The following ABLIM2 variants were observed in gnomAD, a reference collection of about 807,000 sequenced individuals.
The protein encoded by ABLIM2 is actin-binding LIM protein 2.
In ABLIM2, 53 loss-of-function variants were observed where a neutral mutation model predicts 97.7. The ratio of observed to expected loss-of-function variants is 0.54; its 90% CI spans 0.44 to 0.68. The LOEUF is 0.68. Ranked by LOEUF, ABLIM2 falls within the 30% of genes least tolerant of loss-of-function variation. ABLIM2 has a pLI of 0.00. For missense variants in ABLIM2, 835 were observed against 867.2 expected, an observed-to-expected ratio of 0.96 and a Z score of 0.47; for synonymous variants, 361 against 345.8, an observed-to-expected ratio of 1.04 and a Z score of -0.49.
rs1180205007 is a variant in ABLIM2, at chr4:7,970,459, C to T, written c.1825-3356G>A. On this transcript the variant is annotated intron_variant, in intron 20 of 20. Transcript: ENST00000447017. The surrounding 1 kb of genome is among the most constrained non-coding windows in gnomAD (Gnocchi z 5.3). The stretch of plus-strand genomic sequence containing the variant: ...GGGTTTAGCTGGCATCAGGTCTTTG[C>T]TGGAGGAGGGAGGAGTGGAGAGGGA... Among the ~76,000 whole-genome samples, 2 of 151,946 alleles carry T rather than the reference C, an allele frequency of 1.3e-5. No individual in the cohort carries two copies. The highest frequency in any genetic ancestry group is 2.9e-5 in the Non-Finnish European group (2 of 67,990).
At position 8,072,198 on chromosome 4, in the gene ABLIM2, C is replaced by T. The variant is rs897964953; in HGVS notation, c.675+5430G>A. On this transcript the variant is annotated intron_variant, in intron 6 of 20. Transcript: ENST00000447017. The surrounding 1 kb of genome is among the most constrained non-coding windows in gnomAD (Gnocchi z 5.8). ...CCAGACCTGTTTTGCTCCTGTTCCT[C>T]GAATTAGGATGGTTCCTTCCCGATG... 3.3e-5 allele frequency among the ~76,000 whole-genome samples: 5 copies of T among 152,220 alleles called. No individual in the cohort carries two copies. Among genetic ancestry groups the T allele is most frequent in the African/African-American group, 1.2e-4 (5 of 41,458 alleles).
At position 8,056,112 on chromosome 4, in the gene ABLIM2, C is replaced by CAAAAAAAAAAAAAAAAAAA. The variant is rs60992903; in HGVS notation, c.764-1885_764-1867dup. 1.4e-3 allele frequency among the ~76,000 whole-genome samples: 94 copies of CAAAAAAAAAAAAAAAAAAA among 68,344 alleles called. 2 individuals are homozygous for CAAAAAAAAAAAAAAAAAAA. Among genetic ancestry groups the CAAAAAAAAAAAAAAAAAAA allele is most frequent in the Middle Eastern group, 6.8e-3 (1 of 148 alleles). The allele number at this position is 68,344 out of a possible 152,430, so 44.8% of individuals were successfully genotyped here. On this transcript the variant is annotated intron_variant, in intron 7 of 20. Coordinates refer to ENST00000447017, the MANE Select transcript of ABLIM2 (RefSeq NM_001130083.2). ...TGGGTAACAGAGCAAGACTCTGTCT[C>CAAAAAAAAAAAAAAAAAAA]AAAAAAAAAAAAAAAAAAAAAAAAA...
intron 8 of ABLIM2, 56 bp from the exon 9 acceptor site, chr4:8,045,297 G>A: frequency 6.8e-7 from 1 of 1,473,856 alleles, no homozygotes; most frequent in East Asian, 2.3e-5. Flanking sequence ...GGGGCCTTCA[G>A]AGGCGACTGT....
At chr4:7,981,656 T>G (rs1363523943) in intron 20 of ABLIM2, among the ~76,000 whole-genome samples, 2 of 152,214 alleles carry the variant, frequency 1.3e-5, no homozygotes, top group Non-Finnish European at 2.9e-5. Context: ...CAGGTCAAAA[T>G]GGATGCATCC....
intron 3 of ABLIM2, among the ~76,000 whole-genome samples, chr4:8,094,970 C>T (rs1436720425): frequency 8.0e-6 from 1 of 124,628 alleles, no homozygotes; most frequent in Non-Finnish European, 1.7e-5. Context: ...CTCCCTCCTT[C>T]CCTCCCTTTC....
intron 3 of ABLIM2, among the ~76,000 whole-genome samples, chr4:8,094,548 C>G (rs1294817264): frequency 6.6e-6 from 1 of 152,166 alleles, no homozygotes; most frequent in African/African-American, 2.4e-5. Flanking sequence ...AGGAACAGAA[C>G]AGGACAGGGA....
chr4:8,066,254 C>A (rs1414905234), intron 6 of ABLIM2, among the ~76,000 whole-genome samples: 10 of 144,668 alleles, frequency 6.9e-5, no homozygotes, highest in African/African-American at 2.6e-4. Flanking sequence ...TGCAGTGAGC[C>A]GAGATAGCGC....
At chr4:8,109,234 G>A (rs1023706174) in intron 1 of ABLIM2, among the ~76,000 whole-genome samples, 3 of 152,220 alleles carry the variant, frequency 2.0e-5, no homozygotes, top group Admixed American at 1.3e-4. Context: ...TGCTGCAGAT[G>A]CCAGGGCTGG....
At chr4:8,006,882 G>A (rs1015160401) in intron 16 of ABLIM2, 6 of 376,372 alleles carry the variant, frequency 1.6e-5, no homozygotes, top group Non-Finnish European at 2.2e-5. Flanking sequence ...TTTGCAGGGG[G>A]GGGGTGGCTT....
At chr4:8,051,843 G>T (rs1021889953) in intron 8 of ABLIM2, among the ~76,000 whole-genome samples, 1 of 152,162 alleles carries the variant, frequency 6.6e-6, no homozygotes, top group Non-Finnish European at 1.5e-5. Context: ...AAAGACTAGG[G>T]TGGGAGGGCC....
intron 20 of ABLIM2, among the ~76,000 whole-genome samples, chr4:7,969,278 A>T (rs1725592999): frequency 6.6e-6 from 1 of 151,966 alleles, no homozygotes; most frequent in Non-Finnish European, 1.5e-5. Context: ...ACATGGTGAG[A>T]CTCCATCTCT....
At chr4:8,156,811 C>T (rs1406032023) in intron 1 of ABLIM2, among the ~76,000 whole-genome samples, 2 of 152,232 alleles carry the variant, frequency 1.3e-5, no homozygotes, top group African/African-American at 2.4e-5. Context: ...ACGTTAGAGC[C>T]CACATGCCAG....
intron 1 of ABLIM2, 91 bp downstream of exon 1, chr4:8,158,589 G>A (rs1716201458): frequency 1.4e-6 from 2 of 1,430,344 alleles, no homozygotes; most frequent in Non-Finnish European, 1.9e-6. Context: ...TTTCCCCGGC[G>A]TTGCAGGTGC....
At chr4:8,030,457 G>C (rs1364948894) in intron 10 of ABLIM2, among the ~76,000 whole-genome samples, 1 of 152,228 alleles carries the variant, frequency 6.6e-6, no homozygotes, top group African/African-American at 2.4e-5. Flanking sequence ...GCAGGGTGGA[G>C]GTTGCAGTTT....
In ABLIM2 at chr4:7,998,726, G is replaced by A. The variant is rs1037025991; in HGVS notation, c.1619-5799C>T. On this transcript the variant is annotated intron_variant, in intron 16 of 20. Coordinates refer to ENST00000447017, the MANE Select transcript of ABLIM2 (RefSeq NM_001130083.2). This position sits in a 1 kb window ranked among gnomAD's most constrained non-coding sequence, Gnocchi z 6.4. ...GCCACCTCCTGCCACTGCATGGGAG[G>A]CTGGGAGTCTGCTGGCCTGGGCCAC... is the stretch of plus-strand genomic sequence containing the variant. 66 of 485,450 alleles carry A rather than the reference G, an allele frequency of 1.4e-4. No individual in the cohort carries two copies. Among genetic ancestry groups the A allele is most frequent in the Non-Finnish European group, 2.4e-4 (58 of 242,884 alleles). 30.1% of individuals were successfully genotyped at this position (485,450 alleles called of 1,614,324 possible). A position where few individuals can be genotyped will look rare whatever the true frequency, so the allele number is the denominator to read the frequency against.
At chr4:8,017,201 A>G (rs953293783) in intron 14 of ABLIM2, among the ~76,000 whole-genome samples, 4 of 152,032 alleles carry the variant, frequency 2.6e-5, no homozygotes, top group Admixed American at 2.6e-4. Context: ...CCCTCATACA[A>G]CTAGCCCTGC....
chr4:8,006,759 G>A (rs948023498), intron 16 of ABLIM2, among the ~76,000 whole-genome samples: 22 of 152,196 alleles, frequency 1.4e-4, no homozygotes, highest in African/African-American at 5.3e-4. Flanking sequence ...GCACAGGCAG[G>A]CGCGCGTGGA....
At chr4:8,116,024 A>C (rs1842621470) in intron 1 of ABLIM2, among the ~76,000 whole-genome samples, 1 of 152,222 alleles carries the variant, frequency 6.6e-6, no homozygotes. Flanking sequence ...TTCAGCAAAG[A>C]CGCCTGTGGA....
intron 8 of ABLIM2, among the ~76,000 whole-genome samples, chr4:8,051,568 AAAAAAAAAAAAG>A (rs1259952924): frequency 1.5e-4 from 22 of 151,192 alleles, no homozygotes; most frequent in African/African-American, 5.1e-4. Flanking sequence ...ATCTCAAAAA[AAAAAAAAAAAAG>A]AAAAGAAAAG....
Sources: allele counts gnomAD v4.1 joint callset (sites outside exome capture counted in the v4.1 genomes callset), GRCh38; gene constraint gnomAD v4.1.1; non-coding constraint Gnocchi (gnomAD v3.1); transcripts MANE v1.5; gene names NCBI Gene and HGNC (gene_info 2026-07-23, HGNC 2026-07-21).